The following GPR160 variants were observed in gnomAD, a reference collection of about 807,000 sequenced individuals.
GPR160 encodes the protein G protein-coupled receptor 160.
GPR160 carries 2 observed loss-of-function variants against 2.6 expected under a neutral mutation model. The observed-to-expected ratio is 0.77, with a 90% confidence interval of 0.32 to 2.44. The LOEUF (loss-of-function observed/expected upper bound fraction) is 2.44. GPR160 is among the 30% of genes most tolerant of loss of function. GPR160 has a pLI of 0.11. For synonymous variants in GPR160, 130 were observed against 132.2 expected (o/e 0.98, Z 0.12); for missense variants, 351 against 383.6 (o/e 0.91, Z 0.71).
chr3:170,069,795 C>G (rs1473894352), intron 2 of GPR160, among the ~76,000 whole-genome samples: 1 of 152,016 alleles, frequency 6.6e-6, no homozygotes, highest in Non-Finnish European at 1.5e-5. Flanking sequence ...TTAAATATAA[C>G]CACACATATT....
chr3:170,042,665 CAAAA>C (rs35357716), intron 2 of GPR160, among the ~76,000 whole-genome samples: 7 of 104,230 alleles, frequency 6.7e-5, no homozygotes, highest in Admixed American at 2.1e-4. Flanking sequence ...CCCATCTCTA[CAAAA>C]AAAAAAAATA....
At chr3:170,042,885 T>TTTTTTC (rs1491276971) in intron 2 of GPR160, among the ~76,000 whole-genome samples, 1 of 39,212 alleles carries the variant, frequency 2.6e-5, no homozygotes, top group African/African-American at 1.1e-4. Context: ...CTTCACACAC[T>TTTTTTC]TTTTTTTTTT....
chr3:170,083,693 T>G (rs1052823935), intron 3 of GPR160, among the ~76,000 whole-genome samples: 1 of 152,222 alleles, frequency 6.6e-6, no homozygotes, highest in Non-Finnish European at 1.5e-5. Context: ...TTTAAAAATC[T>G]CTGAGTTCTG....
At position 170,064,514 on chromosome 3, in the gene GPR160, C is replaced by CTTTTTT. The variant is rs1175382810; in HGVS notation, c.-192-15243_-192-15238dup. On this transcript the variant is annotated intron_variant, in intron 2 of 3. Transcript: ENST00000355897. The stretch of plus-strand genomic sequence containing the variant: ...GGGACCCATTCTTTTCTTTTCTTTT[C>CTTTTTT]TTTTTTTTTTTTTTTTTTTTTTGAG... Among the ~76,000 whole-genome samples, 46 of 81,030 alleles carry CTTTTTT rather than the reference C, an allele frequency of 5.7e-4. 1 individual carries two copies. The highest frequency in any genetic ancestry group is 6.5e-4 in the Non-Finnish European group (26 of 40,144). The allele number at this position is 81,030 out of a possible 152,430, so 53.2% of individuals were successfully genotyped here.
Position 170,083,893 on chromosome 3 carries a change from C to CT in GPR160, c.-68-5dup, listed in dbSNP as rs1319293622. 6 of 786,594 alleles carry CT rather than the reference C, an allele frequency of 7.6e-6. No homozygotes were observed. The highest frequency in any genetic ancestry group is 1.1e-5 in the Non-Finnish European group (6 of 526,746). 48.7% of individuals were successfully genotyped at this position (786,594 alleles called of 1,614,324 possible). On this transcript the variant is annotated splice_polypyrimidine_tract_variant and intron_variant, in intron 3 of 3. Transcript: ENST00000355897. ...AGGTAACATTAAGGTTTTCTTTTCA[C>CT]TTTTTTTGCAGGGACAGAAAATGAA...
At position 170,042,959 on chromosome 3, in the gene GPR160, G is replaced by T. The variant is rs1716528011; in HGVS notation, c.-193+3916G>T. Reference sequence around the variant, plus strand: ...TGCAATGGTGCAATCTCAGCTCACTGCAAGCTCTGCCTCCCGGATTCATGC... The same window carrying T: ...TGCAATGGTGCAATCTCAGCTCACTTCAAGCTCTGCCTCCCGGATTCATGC... On this transcript the variant is annotated intron_variant, in intron 2 of 3. Coordinates refer to ENST00000355897, the MANE Select transcript of GPR160 (RefSeq NM_014373.3). Among the ~76,000 whole-genome samples, 8 of 147,676 alleles carry T rather than the reference G, an allele frequency of 5.4e-5. No homozygotes were observed. The Admixed American group carries it at 5.5e-4, about 10-fold the overall frequency.
chr3:170,076,290 TATATTGA>T (rs1263682761), intron 2 of GPR160, among the ~76,000 whole-genome samples: 2 of 152,198 alleles, frequency 1.3e-5, no homozygotes, highest in East Asian at 3.8e-4. Context: ...CCATATTTTC[TATATTGA>T]ATATAACTGT....
intron 2 of GPR160, among the ~76,000 whole-genome samples, chr3:170,050,062 C>CTT (rs35059153): frequency 6.9e-5 from 10 of 144,538 alleles, no homozygotes; most frequent in South Asian, 2.2e-4. Flanking sequence ...CAGACAATTC[C>CTT]TTTTTTTTTT....
Position 170,083,893 on chromosome 3 carries a change from CTT to C in GPR160, c.-68-6_-68-5del. On this transcript the variant is annotated splice_polypyrimidine_tract_variant and intron_variant, in intron 3 of 3. Transcript: ENST00000355897. ...AGGTAACATTAAGGTTTTCTTTTCA[CTT>C]TTTTTGCAGGGACAGAAAATGAAGC... 3 of 786,626 alleles carry C rather than the reference CTT, an allele frequency of 3.8e-6. No homozygotes were observed. Among genetic ancestry groups the C allele is most frequent in the Non-Finnish European group, 5.7e-6 (3 of 526,770 alleles). 48.7% of individuals were successfully genotyped at this position (786,626 alleles called of 1,614,324 possible).
chr3:170,040,018 C>G (rs1228018327), intron 2 of GPR160, among the ~76,000 whole-genome samples: 1 of 149,658 alleles, frequency 6.7e-6, no homozygotes, highest in African/African-American at 2.5e-5. Context: ...GCACGGGGGC[C>G]TGTCGGAGGG....
chr3:170,064,504 CTTT>C (rs1712188513), intron 2 of GPR160, among the ~76,000 whole-genome samples: 1 of 114,676 alleles, frequency 8.7e-6, no homozygotes, highest in Non-Finnish European at 1.9e-5. Context: ...CCATTCTTTT[CTTT>C]TCTTTTCTTT....
intron 2 of GPR160, among the ~76,000 whole-genome samples, chr3:170,063,739 T>C (rs563275405): frequency 3.9e-5 from 6 of 151,972 alleles, no homozygotes; most frequent in Non-Finnish European, 7.4e-5. Context: ...TCTCCTAACA[T>C]CTGGACAGGC....
chr3:170,049,763 G>A (rs1173733260), intron 2 of GPR160: 1 of 152,622 alleles, frequency 6.6e-6, no homozygotes, highest in Non-Finnish European at 1.5e-5. Flanking sequence ...CCTGGCCTGA[G>A]TCCTGAGTCA....
chr3:170,048,735 T>G (rs1716836471), intron 2 of GPR160, among the ~76,000 whole-genome samples: 1 of 152,252 alleles, frequency 6.6e-6, no homozygotes, highest in Non-Finnish European at 1.5e-5. Flanking sequence ...AGTAAACATG[T>G]ACCTCTATTC....
chr3:170,066,302 G>A (rs916479606), intron 2 of GPR160, among the ~76,000 whole-genome samples: 10 of 151,382 alleles, frequency 6.6e-5, no homozygotes, highest in Non-Finnish European at 1.2e-4. Context: ...CACCACGCCC[G>A]GCTAATTTTT....
chr3:170,050,398 C>T (rs544284180), intron 2 of GPR160, among the ~76,000 whole-genome samples: 3 of 151,840 alleles, frequency 2.0e-5, no homozygotes, highest in African/African-American at 7.3e-5. Context: ...CACCTGCCAC[C>T]ATGCTTAGCT....
intron 2 of GPR160, among the ~76,000 whole-genome samples, chr3:170,056,522 T>G (rs528219971): frequency 6.6e-6 from 1 of 152,278 alleles, no homozygotes; most frequent in African/African-American, 2.4e-5. Context: ...GGTGGGAAGG[T>G]AACACAGAGA....
chr3:170,055,881 A>G (rs981018427), intron 2 of GPR160, among the ~76,000 whole-genome samples: 1 of 152,118 alleles, frequency 6.6e-6, no homozygotes, highest in Non-Finnish European at 1.5e-5. Context: ...TGATCCGCCC[A>G]TCTCGGCCTC....
At chr3:170,057,611 C>T (rs1711714365) in intron 2 of GPR160, among the ~76,000 whole-genome samples, 1 of 152,194 alleles carries the variant, frequency 6.6e-6, no homozygotes, top group South Asian at 2.1e-4. Context: ...GCAGTGCCCT[C>T]CCTCCCAAAC....
Sources: gnomAD v4.1 joint callset for allele counts (sites outside exome capture counted in the v4.1 genomes callset) on GRCh38, gnomAD v4.1.1 for gene constraint, MANE v1.5 for transcripts, NCBI Gene and HGNC (gene_info 2026-07-23, HGNC 2026-07-21) for gene names.